The following DIS3L2 variants were observed in gnomAD, a reference collection of about 807,000 sequenced individuals.
The protein encoded by DIS3L2 is DIS3-like exonuclease 2.
DIS3L2 carries 34 observed loss-of-function variants against 97.5 expected under a neutral mutation model. The observed-to-expected ratio is 0.35, with a 90% CI of 0.27 to 0.46. DIS3L2 has a LOEUF of 0.46. Among genes scored for constraint, DIS3L2 ranks in the 20% least tolerant of loss-of-function variants. The probability of loss-of-function intolerance (pLI) is 1.00; values close to 1 mark genes in which losing one functional copy is unlikely to be tolerated. For synonymous variants in DIS3L2, 435 were observed against 445.2 expected, an observed-to-expected ratio of 0.98 and a Z score of 0.29; for missense variants, 1,038 against 1,146.0, an observed-to-expected ratio of 0.91 and a Z score of 1.36.
rs765098838 is a variant in DIS3L2, at chr2:231,976,899, CT to C, written c.-94+15135del. On this transcript the variant is annotated intron_variant, in intron 1 of 20. Coordinates refer to ENST00000325385, the MANE Select transcript of DIS3L2 (RefSeq NM_152383.5). ...TCTCCCGCCTCAGCCTCCCGAGTAG[CT>C]GGGACAGCAGGTGCCCGCCACCACG... Among the ~76,000 whole-genome samples the C allele has an allele frequency of 3.0e-4, 45 of 151,364 alleles. 1 individual carries two copies. The highest frequency in any genetic ancestry group is 2.0e-3 in the Admixed American group (31 of 15,156).
intron 11 of DIS3L2, among the ~76,000 whole-genome samples, chr2:232,239,043 C>A (rs1210364581): frequency 6.6e-6 from 1 of 152,178 alleles, no homozygotes; most frequent in African/African-American, 2.4e-5. Flanking sequence ...ATGTTTTCAA[C>A]CCCTGTTCTA....
rs1230090581 is a variant in DIS3L2 at position 232,293,084 on chromosome 2, GA to G, written c.1660-6955del. ...TCTGTGGGTGGTCCCTGCAGGTGGT[GA>G]TTAGGGCCAGAGCGCTGCTGCTGCC... On this transcript the variant is annotated intron_variant, in intron 13 of 20. Transcript: ENST00000325385. The surrounding 1 kb of genome is among the most constrained non-coding windows in gnomAD (Gnocchi z 4.6). 6.6e-6 allele frequency among the ~76,000 whole-genome samples: 1 copy of G among 152,104 alleles called. No homozygotes were observed. The highest frequency in any genetic ancestry group is 1.9e-4 in the East Asian group (1 of 5,158).
intron 3 of DIS3L2, among the ~76,000 whole-genome samples, chr2:232,019,735 A>G (rs962406940): frequency 3.9e-5 from 6 of 152,036 alleles, no homozygotes; most frequent in Admixed American, 1.3e-4. Context: ...GGCATTAATT[A>G]ATTAATTACT....
intron 8 of DIS3L2, among the ~76,000 whole-genome samples, chr2:232,160,670 G>T (rs1265876778): frequency 6.6e-6 from 1 of 151,988 alleles, no homozygotes; most frequent in Non-Finnish European, 1.5e-5. Context: ...GAGCTCAGGA[G>T]TTCGAGTCCC....
chr2:232,086,645 GTATATATATATA>G lies in DIS3L2; in HGVS notation c.367-838_367-827del, dbSNP rs1308028353. Among the ~76,000 whole-genome samples, 62 of 51,188 alleles carry G rather than the reference GTATATATATATA, an allele frequency of 1.2e-3. 5 individuals carry two copies. Among genetic ancestry groups the G allele is most frequent in the Admixed American group, 3.3e-3 (15 of 4,506 alleles). The allele number at this position is 51,188 out of a possible 152,430, so 33.6% of individuals were successfully genotyped here. A position where few individuals can be genotyped will look rare whatever the true frequency, so the allele number is the denominator to read the frequency against. On this transcript the variant is annotated intron_variant, in intron 5 of 20. Transcript: ENST00000325385. ...TATATATATACACATATATATATAT[GTATATATATATA>G]TATGTGTGTGTGTGTGTGTGTATAT...
intron 9 of DIS3L2, among the ~76,000 whole-genome samples, chr2:232,172,997 G>C (rs981224271): frequency 1.3e-5 from 2 of 152,118 alleles, no homozygotes; most frequent in Non-Finnish European, 2.9e-5. Flanking sequence ...CTATTGTTGA[G>C]CTATAAGTGT....
At chr2:232,182,379 T>C (rs1485273333) in intron 9 of DIS3L2, among the ~76,000 whole-genome samples, 1 of 152,220 alleles carries the variant, frequency 6.6e-6, no homozygotes, top group Non-Finnish European at 1.5e-5. Context: ...TTTAGAAGAA[T>C]ATGTTTTCTG....
At chr2:232,175,898 T>C (rs1235022502) in intron 9 of DIS3L2, among the ~76,000 whole-genome samples, 2 of 152,182 alleles carry the variant, frequency 1.3e-5, no homozygotes, top group African/African-American at 4.8e-5. Flanking sequence ...ATTTTTTATT[T>C]TTTATTTTTA....
chr2:232,255,804 C>T (rs1257550916), intron 12 of DIS3L2, among the ~76,000 whole-genome samples: 1 of 152,148 alleles, frequency 6.6e-6, no homozygotes, highest in African/African-American at 2.4e-5. Context: ...ATGGAAGTCG[C>T]CTATTTCAGC....
chr2:232,183,317 A>G (rs1691342897), intron 9 of DIS3L2, among the ~76,000 whole-genome samples: 1 of 152,220 alleles, frequency 6.6e-6, no homozygotes, highest in African/African-American at 2.4e-5. Context: ...AGCTACTGAA[A>G]TCTCTGCTTG....
rs550752903 is a variant in DIS3L2 at position 232,262,721 on chromosome 2, G to T, written c.1426-486G>T. On this transcript the variant is annotated intron_variant, in intron 12 of 20. Transcript: ENST00000325385. ...GCCCCAAATGGAAAAGTCGGAATGGGTTTCCTCTTTCTAGCCTCATCTTGC... is the reference window on the plus strand; with the variant it reads ...GCCCCAAATGGAAAAGTCGGAATGGTTTTCCTCTTTCTAGCCTCATCTTGC... Among the ~76,000 whole-genome samples, 18 of 152,290 alleles carry T rather than the reference G, an allele frequency of 1.2e-4. No individual in the cohort carries two copies. The East Asian group carries it at 3.3e-3, about 28-fold the overall frequency.
intron 1 of DIS3L2, among the ~76,000 whole-genome samples, chr2:231,973,390 T>C (rs949168256): frequency 6.6e-6 from 1 of 152,122 alleles, no homozygotes; most frequent in Non-Finnish European, 1.5e-5. Context: ...AAAGCTGTGA[T>C]TCACCCAGAA....
At chr2:232,166,331 C>T (rs1690815119) in intron 9 of DIS3L2, among the ~76,000 whole-genome samples, 1 of 151,970 alleles carries the variant, frequency 6.6e-6, no homozygotes, top group African/African-American at 2.4e-5. Flanking sequence ...ACACACCACA[C>T]ACACACACGC....
Position 231,986,140 on chromosome 2 carries a change from C to G in DIS3L2, c.-94+24375C>G, listed in dbSNP as rs569565465. Among the ~76,000 whole-genome samples, 3 of 152,322 alleles carry G rather than the reference C, an allele frequency of 2.0e-5. No individual in the cohort carries two copies. The South Asian group carries it at 6.2e-4, about 32-fold the overall frequency. On this transcript the variant is annotated intron_variant, in intron 1 of 20. Transcript: ENST00000325385. ...CCCGGGGCTCTTGGGCTTTCAGCCA[C>G]GGACTGAAGGCAGCACTGTTGGCTT...
At chr2:232,228,590 G>A (rs1692708301) in intron 10 of DIS3L2, among the ~76,000 whole-genome samples, 1 of 152,164 alleles carries the variant, frequency 6.6e-6, no homozygotes. Context: ...CCTGCAAAGT[G>A]CTTTAGTCAC....
At chr2:232,087,874 G>A in intron 6 of DIS3L2, 153 bp downstream of exon 6, 1 of 627,686 alleles carries the variant, frequency 1.6e-6, no homozygotes, top group Admixed American at 2.9e-5. Context: ...TCTTTGACAG[G>A]TTTAGCTGCT....
chr2:232,110,950 T>C (rs923384891), intron 6 of DIS3L2, among the ~76,000 whole-genome samples: 1 of 152,226 alleles, frequency 6.6e-6, no homozygotes, highest in Non-Finnish European at 1.5e-5. Context: ...CAACTTAGAT[T>C]ACTTTCTATG....
rs73001172 is a variant in DIS3L2, at chr2:232,087,546, C to T, written c.426C>T (p.Pro142=). The T allele has an allele frequency of 0.014, 21,851 of 1,613,892 alleles. 213 individuals carry two copies. Among genetic ancestry groups the T allele is most frequent in the Non-Finnish European group, 0.015 (17,892 of 1,179,978 alleles). The change falls in exon 6 of 21, where the codon CCC becomes CCT. Residue 142 remains proline (P), a synonymous_variant. Coordinates refer to ENST00000325385, the MANE Select transcript of DIS3L2 (RefSeq NM_152383.5). ...AAGCTGCGTATGAATCAGATATCCCCGAGGAGCTCTGTGGACACCATCTCC... is the reference window on the plus strand; with the variant it reads ...AAGCTGCGTATGAATCAGATATCCCTGAGGAGCTCTGTGGACACCATCTCC... ...ETEAAYESDI[P]EELCGHHLPQ... is the part of the protein sequence containing the mutation.
intron 14 of DIS3L2, among the ~76,000 whole-genome samples, chr2:232,302,890 AAGTAGGATTAAT>A (rs1694897093): frequency 1.3e-5 from 2 of 152,226 alleles, no homozygotes; most frequent in Admixed American, 6.5e-5. Context: ...CTATAGGATG[AAGTAGGATTAAT>A]AGTAGGATTA....
Sources: allele counts gnomAD v4.1 joint callset (sites outside exome capture counted in the v4.1 genomes callset), GRCh38; gene constraint gnomAD v4.1.1; non-coding constraint Gnocchi (gnomAD v3.1); transcripts MANE v1.5; gene names NCBI Gene and HGNC (gene_info 2026-07-23, HGNC 2026-07-21).